PPP1R12A: variants seen among roughly 807,000 people sequenced by gnomAD.
PPP1R12A encodes the protein myosin binding subunit.
In PPP1R12A, 19 loss-of-function variants were observed where a neutral mutation model predicts 139.6. The observed-to-expected ratio is 0.14, with a 90% CI of 0.09 to 0.20. The LOEUF is 0.20. Among genes scored for constraint, PPP1R12A ranks in the 10% least tolerant of loss-of-function variants. PPP1R12A has a pLI of 1.00. For missense variants in PPP1R12A, 925 were observed against 1,211.5 expected, an observed-to-expected ratio of 0.76 and a Z score of 3.51; for synonymous variants, 427 against 420.6, an observed-to-expected ratio of 1.02 and a Z score of -0.19.
At chr12:79,858,104 C>T (rs1880895694) in intron 2 of PPP1R12A, among the ~76,000 whole-genome samples, 1 of 152,116 alleles carries the variant, frequency 6.6e-6, no homozygotes, top group African/African-American at 2.4e-5. Flanking sequence ...GTATTCTTGA[C>T]AAGAAATATA....
At chr12:79,827,823 G>A (rs116715821) in intron 5 of PPP1R12A, among the ~76,000 whole-genome samples, 8 of 151,886 alleles carry the variant, frequency 5.3e-5, no homozygotes, top group Admixed American at 3.3e-4. Context: ...ATCCCCTTTG[G>A]CATAAAACTT....
At chr12:79,904,978 C>T (rs1031694520) in intron 1 of PPP1R12A, among the ~76,000 whole-genome samples, 8 of 152,170 alleles carry the variant, frequency 5.3e-5, no homozygotes, top group African/African-American at 1.9e-4. Flanking sequence ...ATTTCTAAAA[C>T]CTAAAATAGT....
chr12:79,901,143 G>A (rs1885604576), intron 1 of PPP1R12A, among the ~76,000 whole-genome samples: 1 of 152,184 alleles, frequency 6.6e-6, no homozygotes, highest in Non-Finnish European at 1.5e-5. Context: ...TCTAGATCGG[G>A]AACCAATTAG....
At chr12:79,905,651 C>T (rs920999635) in intron 1 of PPP1R12A, among the ~76,000 whole-genome samples, 1 of 152,106 alleles carries the variant, frequency 6.6e-6, no homozygotes, top group African/African-American at 2.4e-5. Context: ...TTTCCAATTA[C>T]GCATATTTTT....
intron 13 of PPP1R12A, 47 bp downstream of exon 13, chr12:79,806,119 A>G (rs576415006): frequency 6.4e-7 from 1 of 1,569,716 alleles, no homozygotes; most frequent in African/African-American, 1.4e-5. Context: ...GCATGCACAT[A>G]CATAAGCACA....
intron 2 of PPP1R12A, among the ~76,000 whole-genome samples, chr12:79,859,337 T>TA (rs762029004): frequency 0.016 from 1,200 of 74,008 alleles, 24 homozygotes; most frequent in African/African-American, 0.05. Context: ...ACTCTGTCTT[T>TA]AAAAAAAAAA....
chr12:79,845,272 T>C, intron 3 of PPP1R12A, 30 bp downstream of exon 3: 1 of 1,489,338 alleles, frequency 6.7e-7, no homozygotes, highest in South Asian at 1.2e-5. Context: ...TTCTAAAACA[T>C]TTTTCCATTT....
chr12:79,917,260 G>T (rs527536248), intron 1 of PPP1R12A, among the ~76,000 whole-genome samples: 28 of 152,212 alleles, frequency 1.8e-4, no homozygotes, highest in Admixed American at 5.2e-4. Context: ...GCCGAGGCGG[G>T]TGGATCACGA....
chr12:79,913,500 A>C (rs1216414338), intron 1 of PPP1R12A, among the ~76,000 whole-genome samples: 1 of 152,150 alleles, frequency 6.6e-6, no homozygotes, highest in African/African-American at 2.4e-5. Context: ...ATCTGTCTGG[A>C]TCTTTTTCCA....
chr12:79,931,652 A>C (rs1342464423), intron 1 of PPP1R12A, among the ~76,000 whole-genome samples: 1 of 152,234 alleles, frequency 6.6e-6, no homozygotes, highest in Admixed American at 6.5e-5. Flanking sequence ...AAACTCTACC[A>C]GGTAGCTATA....
intron 1 of PPP1R12A, among the ~76,000 whole-genome samples, chr12:79,894,434 G>A (rs1422011311): frequency 6.6e-6 from 1 of 151,976 alleles, no homozygotes; most frequent in Non-Finnish European, 1.5e-5. Context: ...GACCATATAA[G>A]GCTTTGGGAT....
At chr12:79,834,902 A>G (rs895147238) in intron 3 of PPP1R12A, among the ~76,000 whole-genome samples, 1 of 151,966 alleles carries the variant, frequency 6.6e-6, no homozygotes, top group Admixed American at 6.6e-5. Flanking sequence ...CCTTACTCTC[A>G]CCCCATCTGT....
intron 2 of PPP1R12A, among the ~76,000 whole-genome samples, chr12:79,845,874 A>G (rs1203095253): frequency 6.6e-6 from 1 of 152,236 alleles, no homozygotes; most frequent in Non-Finnish European, 1.5e-5. Context: ...TAATGTACAC[A>G]CGTTGCTTTA....
intron 3 of PPP1R12A, among the ~76,000 whole-genome samples, chr12:79,836,077 T>C (rs189295967): frequency 1.2e-4 from 18 of 152,304 alleles, no homozygotes; most frequent in Non-Finnish European, 1.5e-4. Flanking sequence ...ATTACCGCAT[T>C]TGAAGGAAAC....
chr12:79,801,532 C>T (rs1212856544), intron 14 of PPP1R12A, among the ~76,000 whole-genome samples: 1 of 151,772 alleles, frequency 6.6e-6, no homozygotes, highest in Non-Finnish European at 1.5e-5. Flanking sequence ...CTCAGTTCAG[C>T]GAGTATAGCG....
intron 1 of PPP1R12A, among the ~76,000 whole-genome samples, chr12:79,933,183 T>C (rs1888379418): frequency 1.3e-5 from 2 of 152,250 alleles, no homozygotes; most frequent in South Asian, 4.1e-4. Context: ...GAGAAAGCGC[T>C]AGACACCCTG....
intron 1 of PPP1R12A, among the ~76,000 whole-genome samples, chr12:79,921,841 C>T (rs1292774541): frequency 6.6e-6 from 1 of 152,130 alleles, no homozygotes; most frequent in Non-Finnish European, 1.5e-5. Context: ...CTAAACCTTA[C>T]ATAAAGAAAA....
At chr12:79,874,453 T>C (rs1269352625) in intron 1 of PPP1R12A, among the ~76,000 whole-genome samples, 1 of 152,094 alleles carries the variant, frequency 6.6e-6, no homozygotes, top group Non-Finnish European at 1.5e-5. Flanking sequence ...TAAATATTAA[T>C]ACATACAACC....
rs549113534 is a variant in PPP1R12A at position 79,847,986 on chromosome 12, G to A, written c.369-2566C>T. On this transcript the variant is annotated intron_variant, in intron 2 of 24. Transcript: ENST00000450142. ...TCCCTCTAACAGTGGGTACCTCTAA[G>A]AGATAGAGGAAGAGAGATTTGTATT... 4.1e-4 allele frequency among the ~76,000 whole-genome samples: 62 copies of A among 152,242 alleles called. 1 individual carries two copies. The highest frequency in any genetic ancestry group is 1.4e-3 in the African/African-American group (60 of 41,542).
Sources: allele counts gnomAD v4.1 joint callset (sites outside exome capture counted in the v4.1 genomes callset), GRCh38; gene constraint gnomAD v4.1.1; transcripts MANE v1.5; gene names NCBI Gene and HGNC (gene_info 2026-07-23, HGNC 2026-07-21).